The following CACNA1C variants were observed in gnomAD, a reference collection of about 807,000 sequenced individuals.
CACNA1C encodes the protein calcium voltage-gated channel subunit alpha1 C, also known as voltage-dependent L-type calcium channel subunit alpha-1C.
Under a neutral mutation model 229.0 loss-of-function variants are expected in CACNA1C, and 30 were observed. The ratio of observed to expected loss-of-function variants is 0.13; its 90% CI spans 0.10 to 0.18. The LOEUF is 0.18. Ranked by LOEUF, CACNA1C falls within the 10% of genes least tolerant of loss-of-function variation. The pLI is 1.00. For missense variants in CACNA1C, 1,658 were observed against 2,845.0 expected, an observed-to-expected ratio of 0.58 and a Z score of 9.49; for synonymous variants, 1,114 against 1,132.5, an observed-to-expected ratio of 0.98 and a Z score of 0.33.
intron 5 of CACNA1C, among the ~76,000 whole-genome samples, chr12:2,473,743 C>T (rs1247121375): frequency 1.3e-5 from 2 of 152,044 alleles, no homozygotes; most frequent in Admixed American, 1.3e-4. Context: ...CCACTAAATC[C>T]CTCCAAAAAT....
chr12:2,502,527 G>C (rs1039753678), intron 7 of CACNA1C, among the ~76,000 whole-genome samples: 8 of 152,224 alleles, frequency 5.3e-5, no homozygotes, highest in African/African-American at 1.9e-4. Context: ...CGATGGCATG[G>C]CCAAGTGGGC....
chr12:2,518,784 C>T (rs562315210), intron 9 of CACNA1C, among the ~76,000 whole-genome samples: 3 of 152,276 alleles, frequency 2.0e-5, no homozygotes, highest in South Asian at 4.2e-4. Context: ...TCATACCTTG[C>T]ACTGTTGAGT....
At chr12:2,685,210 C>T (rs548014830) in intron 43 of CACNA1C, among the ~76,000 whole-genome samples, 145 of 151,506 alleles carry the variant, frequency 9.6e-4, no homozygotes, top group African/African-American at 3.5e-3. Context: ...AGACTAGATG[C>T]CCCATGAGGT....
chr12:2,432,194 G>A (rs147468711), intron 3 of CACNA1C, among the ~76,000 whole-genome samples: 2 of 152,352 alleles, frequency 1.3e-5, no homozygotes, highest in African/African-American at 4.8e-5. Context: ...TTCAGTATGG[G>A]TGTCAGACAG....
At chr12:2,637,352 T>G (rs994249294) in intron 30 of CACNA1C, among the ~76,000 whole-genome samples, 3 of 152,236 alleles carry the variant, frequency 2.0e-5, no homozygotes, top group Non-Finnish European at 4.4e-5. Context: ...TTACTGCTGG[T>G]GTCACTCGGA....
Position 2,651,777 on chromosome 12 carries a change from C to G in CACNA1C, c.4074+9C>G, listed in dbSNP as rs368648708. On this transcript the variant is annotated intron_variant, in intron 32 of 46. Coordinates refer to ENST00000399655, the MANE Select transcript of CACNA1C (RefSeq NM_000719.7). This position sits in a 1 kb window ranked among gnomAD's most constrained non-coding sequence, Gnocchi z 5.4. ...TCATCAAGTCCTTCCAGGTAGCCGC[C>G]CCTCATGTCCTGCGGCCCGGGGAAT... 11 of 1,589,642 alleles carry G rather than the reference C, an allele frequency of 6.9e-6. 1 individual carries two copies. In the African/African-American group the frequency reaches 1.6e-4, roughly 23 times the overall value.
At chr12:2,078,252 A>G (rs1296990625) in intron 1 of CACNA1C, among the ~76,000 whole-genome samples, 1 of 152,306 alleles carries the variant, frequency 6.6e-6, no homozygotes, top group East Asian at 1.9e-4. Flanking sequence ...CTCACTAGAA[A>G]TCCATCTGCT....
chr12:2,353,310 C>T (rs1054704171), intron 3 of CACNA1C, among the ~76,000 whole-genome samples: 3 of 152,140 alleles, frequency 2.0e-5, no homozygotes, highest in Admixed American at 6.5e-5. Context: ...GCAGAGTGAG[C>T]CCCCCCTGGT....
chr12:2,140,239 C>T (rs954494325), intron 3 of CACNA1C, among the ~76,000 whole-genome samples: 5 of 151,218 alleles, frequency 3.3e-5, no homozygotes, highest in African/African-American at 1.2e-4. Context: ...GGTGGGTGGA[C>T]GATTTGCAGA....
Position 2,646,789 on chromosome 12 carries a change from AGT to A in CACNA1C, c.3913-1676_3913-1675del, listed in dbSNP as rs72236498. On this transcript the variant is annotated intron_variant, in intron 30 of 46. Transcript: ENST00000399655. The surrounding 1 kb of genome is among the most constrained non-coding windows in gnomAD (Gnocchi z 4.6). ...GAGAAAGAGAGAGAGAGAGAGAGAGAGTGTGTGTGTGCGCGTGTGTGTGTCTG... is the reference window on the plus strand; with the variant it reads ...GAGAAAGAGAGAGAGAGAGAGAGAGAGTGTGTGTGCGCGTGTGTGTGTCTG... Among the ~76,000 whole-genome samples, 2 of 131,874 alleles carry A rather than the reference AGT, an allele frequency of 1.5e-5. No individual in the cohort carries two copies. The highest frequency in any genetic ancestry group is 3.2e-5 in the Non-Finnish European group (2 of 62,112). The allele number at this position is 131,874 out of a possible 152,430, so 86.5% of individuals were successfully genotyped here.
chr12:2,590,935 C>T (rs979672113), intron 18 of CACNA1C, among the ~76,000 whole-genome samples: 1 of 152,118 alleles, frequency 6.6e-6, no homozygotes, highest in Admixed American at 6.5e-5. Context: ...ATGATTTAGG[C>T]CAATTCTGGT....
At chr12:2,688,263 G>C (rs1332905622) in intron 45 of CACNA1C, among the ~76,000 whole-genome samples, 184 bp from the exon 46 acceptor site, 1 of 152,240 alleles carries the variant, frequency 6.6e-6, no homozygotes, top group African/African-American at 2.4e-5. Context: ...GATGTATTTT[G>C]AGATAGTTGA....
rs1165034215 is a variant in CACNA1C at position 2,692,968 on chromosome 12, A to G, written c.*1769A>G. On this transcript the variant is annotated 3_prime_UTR_variant, in exon 47 of 47. Transcript: ENST00000399655. ...CCTTTGAACTCAAGTGCTTTTCTAT[A>G]TGTGGTTGGGGGAAAGGGAACAAGT... The G allele has an allele frequency of 6.6e-6, 1 of 152,618 alleles. No individual in the cohort carries two copies. The highest frequency in any genetic ancestry group is 1.5e-5 in the Non-Finnish European group (1 of 68,032). 9.5% of individuals were successfully genotyped at this position (152,618 alleles called of 1,614,324 possible).
intron 3 of CACNA1C, among the ~76,000 whole-genome samples, chr12:2,228,808 C>G (rs1294503789): frequency 6.6e-6 from 1 of 152,182 alleles, no homozygotes; most frequent in East Asian, 1.9e-4. Flanking sequence ...TGCCTTGAAT[C>G]AGATATGCCC....
intron 1 of CACNA1C, among the ~76,000 whole-genome samples, chr12:2,069,453 CAGAG>C (rs2060447961): frequency 6.6e-6 from 1 of 152,062 alleles, no homozygotes; most frequent in Non-Finnish European, 1.5e-5. Context: ...TTGTGTGTGT[CAGAG>C]AGAAAATAAG....
At chr12:2,100,824 G>A (rs1190266810) in intron 1 of CACNA1C, among the ~76,000 whole-genome samples, 3 of 151,568 alleles carry the variant, frequency 2.0e-5, no homozygotes, top group East Asian at 2.0e-4. Context: ...AGGCCAAGGT[G>A]GATGGATTGC....
intron 3 of CACNA1C, among the ~76,000 whole-genome samples, chr12:2,186,371 C>T (rs966162566): frequency 3.9e-5 from 6 of 152,178 alleles, no homozygotes; most frequent in Admixed American, 1.3e-4. Context: ...GCAAGGTGGC[C>T]ACCTCTGCAT....
rs767141738 is a variant in CACNA1C, at chr12:2,688,746, G to T, written c.6084G>T (p.Gln2028His). The T allele has an allele frequency of 8.2e-6, 13 of 1,581,382 alleles. No homozygotes were observed. The Admixed American group carries it at 2.3e-4, about 28-fold the overall frequency. ...GCCAGGCTGGGGCCCCAGGGAGGCA[G>T]TTCCACGGCAGTGCCAGCAGCCTGG... ...VPSQAGAPGR[Q>H]FHGSASSLVE... is the part of the protein sequence containing the mutation. The change falls in exon 46 of 47, where the codon CAG (glutamine) becomes CAT (histidine). Residue 2028 changes from glutamine to histidine, a missense_variant. This residue lies in a region of CACNA1C where 590 missense variants were observed against 700.8 expected (regional missense o/e 0.84). Transcript: ENST00000399655.
At chr12:2,452,936 C>G (rs1183626385) in intron 4 of CACNA1C, among the ~76,000 whole-genome samples, 10 of 152,178 alleles carry the variant, frequency 6.6e-5, no homozygotes, top group Admixed American at 3.9e-4. Flanking sequence ...GAACATTTCC[C>G]TTGTGGAGAA....
Sources: allele counts gnomAD v4.1 joint callset (sites outside exome capture counted in the v4.1 genomes callset), GRCh38; gene constraint gnomAD v4.1.1; regional missense constraint gnomAD v4.1.1; non-coding constraint Gnocchi (gnomAD v3.1); transcripts MANE v1.5; gene names NCBI Gene and HGNC (gene_info 2026-07-23, HGNC 2026-07-21).